The following RYR3 variants were observed in gnomAD, a reference collection of about 807,000 sequenced individuals.
RYR3 encodes the protein brain ryanodine receptor-calcium release channel.
In RYR3, 207 loss-of-function variants were observed where a neutral mutation model predicts 584.3. The observed-to-expected ratio is 0.35, with a 90% CI of 0.32 to 0.40. The LOEUF (loss-of-function observed/expected upper bound fraction) is 0.40. Ranked by LOEUF, RYR3 falls within the 10% of genes least tolerant of loss-of-function variation. The pLI is 1.00. For missense variants in RYR3, 5,616 were observed against 6,089.2 expected (o/e 0.92, Z 2.59); for synonymous variants, 2,416 against 2,248.5 (o/e 1.07, Z -2.11).
At chr15:33,816,687 T>C (rs1197234252) in intron 74 of RYR3, among the ~76,000 whole-genome samples, 175 bp from the exon 75 acceptor site, 2 of 152,324 alleles carry the variant, frequency 1.3e-5, no homozygotes, top group East Asian at 3.9e-4. Flanking sequence ...CTCGTCATGG[T>C]AGAGGGTTCT....
At chr15:33,725,977 A>C (rs28539597) in intron 45 of RYR3, among the ~76,000 whole-genome samples, 19 of 4,958 alleles carry the variant, frequency 3.8e-3, no homozygotes, top group Non-Finnish European at 4.7e-3. Context: ...CCCCCCCCCC[A>C]AAAAAAAAAA....
chr15:33,518,343 A>T (rs117612057), intron 3 of RYR3, among the ~76,000 whole-genome samples: 3,523 of 152,044 alleles, frequency 0.023, 52 homozygotes, highest in Non-Finnish European at 0.036. Context: ...TTGAATTATT[A>T]TTTTTTTTCT....
At position 33,473,499 on chromosome 15, in the gene RYR3, G is replaced by A. The variant is rs748837070; in HGVS notation, c.132G>A (p.Gly44=). The A allele has an allele frequency of 1.2e-6, 2 of 1,614,000 alleles. No homozygotes were observed. Among genetic ancestry groups the A allele is most frequent in the South Asian group, 1.1e-5 (1 of 91,078 alleles). The change falls in exon 2 of 104, where the codon GGG becomes GGA. Residue 44 remains glycine, a synonymous_variant. Coordinates refer to ENST00000634891, the MANE Select transcript of RYR3 (RefSeq NM_001036.6). ...TCTGCCTGGCAGCCGAGGGACTTGGGAATCGCCTGTGCTTCTTGGAACCCA... is the reference window on the plus strand; with the variant it reads ...TCTGCCTGGCAGCCGAGGGACTTGGAAATCGCCTGTGCTTCTTGGAACCCA... ...RKFCLAAEGL[G]NRLCFLEPTS...
At position 33,838,823 on chromosome 15, in the gene RYR3, C is replaced by G; in HGVS notation, c.12843C>G (p.Leu4281=). The change falls in exon 89 of 104, where the codon CTC becomes CTG. Residue 4281 remains leucine, a synonymous_variant. Coordinates refer to ENST00000634891, the MANE Select transcript of RYR3 (RefSeq NM_001036.6). ...EKGDTDIMSD[L]FGLHPKKEGS... is the part of the protein sequence containing the mutation. ...GAGATACAGATATCATGTCAGACCT[C>G]TTTGGACTCCACCCAAAGAAAGAGG... is the stretch of plus-strand genomic sequence containing the variant. The G allele has an allele frequency of 1.2e-6, 2 of 1,613,908 alleles. No individual in the cohort carries two copies. The highest frequency in any genetic ancestry group is 1.7e-6 in the Non-Finnish European group (2 of 1,179,846).
intron 7 of RYR3, 120 bp from the exon 8 acceptor site, chr15:33,543,502 T>C: frequency 2.8e-6 from 2 of 716,980 alleles, no homozygotes; most frequent in Non-Finnish European, 5.1e-6. Context: ...GTTATCAAAA[T>C]GTGTCTCTCT....
intron 1 of RYR3, among the ~76,000 whole-genome samples, chr15:33,434,179 T>TGA (rs2045455809): frequency 6.6e-6 from 1 of 152,214 alleles, no homozygotes; most frequent in Non-Finnish European, 1.5e-5. Context: ...AAGTTGTGCC[T>TGA]GAGAGAGAGC....
At chr15:33,864,897 T>C (rs568103522) in intron 103 of RYR3, 15 of 474,502 alleles carry the variant, frequency 3.2e-5, no homozygotes, top group African/African-American at 2.1e-4. Context: ...CAGTTTTGCT[T>C]GTTTGGGGCA....
intron 89 of RYR3, chr15:33,840,437 G>T (rs989633194): frequency 4.5e-6 from 1 of 220,614 alleles, no homozygotes; most frequent in Non-Finnish European, 8.9e-6. Flanking sequence ...ACTGGCAAGA[G>T]GATTAAAGAC....
intron 74 of RYR3, among the ~76,000 whole-genome samples, 200 bp from the exon 75 acceptor site, chr15:33,816,662 C>CATTT (rs2076828801): frequency 6.6e-6 from 1 of 152,176 alleles, no homozygotes; most frequent in African/African-American, 2.4e-5. Context: ...TCAGAAGGTG[C>CATTT]TCTAATATTC....
In RYR3 at chr15:33,838,374, G is replaced by A; in HGVS notation, c.12394G>A (p.Glu4132Lys). ...GTTAGAAATTGCGGGTGAAGAGGAA[G>A]AAGACGGGTCTCTTGAGCCGGCCTC... The part of the protein sequence containing the change: ...YVLEIAGEEE[E>K]DGSLEPASAF... Residue 4132 changes from glutamate (E) to lysine (K), a missense_variant, in exon 89 of 104, where the codon GAA (glutamate) becomes AAA (lysine). Glu to Lys is a moderately conservative substitution (Grantham distance 56). Around this residue, in one of 9 missense-constraint regions of RYR3, gnomAD observed 258 missense variants for 297.3 expected, o/e 0.87. Coordinates refer to ENST00000634891, the MANE Select transcript of RYR3 (RefSeq NM_001036.6). The A allele has an allele frequency of 1.2e-6, 2 of 1,614,008 alleles. No homozygotes were observed. Among genetic ancestry groups the A allele is most frequent in the Non-Finnish European group, 1.7e-6 (2 of 1,179,888 alleles).
At chr15:33,826,348 C>T (rs2077379543) in intron 83 of RYR3, 79 bp downstream of exon 83, 3 of 1,419,828 alleles carry the variant, frequency 2.1e-6, no homozygotes, top group Non-Finnish European at 3.0e-6. Context: ...AGCACAGAAA[C>T]ATTTTAGGCT....
At chr15:33,442,420 T>C (rs2046303664) in intron 1 of RYR3, among the ~76,000 whole-genome samples, 1 of 152,232 alleles carries the variant, frequency 6.6e-6, no homozygotes, top group Non-Finnish European at 1.5e-5. Context: ...AGTTTAAAAA[T>C]TTAAGTGTAT....
At chr15:33,639,132 A>G (rs189834637) in intron 27 of RYR3, among the ~76,000 whole-genome samples, 162 of 152,268 alleles carry the variant, frequency 1.1e-3, no homozygotes, top group Admixed American at 9.7e-3. Flanking sequence ...GGGACATTTG[A>G]GCATAACCCG....
intron 12 of RYR3, among the ~76,000 whole-genome samples, chr15:33,570,495 G>A (rs1478620039): frequency 6.6e-6 from 1 of 152,060 alleles, no homozygotes; most frequent in Admixed American, 6.5e-5. Flanking sequence ...TTTATAGTAA[G>A]TATTGAAATC....
intron 52 of RYR3, among the ~76,000 whole-genome samples, chr15:33,745,344 G>A (rs559169470): frequency 6.6e-6 from 1 of 151,908 alleles, no homozygotes; most frequent in South Asian, 2.1e-4. Flanking sequence ...CTTCTCGGTG[G>A]TAACTGAAAC....
At chr15:33,453,007 C>A (rs1391493209) in intron 1 of RYR3, among the ~76,000 whole-genome samples, 2 of 152,118 alleles carry the variant, frequency 1.3e-5, no homozygotes, top group African/African-American at 4.8e-5. Context: ...CTCCTGGCTC[C>A]AACCTTTCTC....
At chr15:33,342,148 G>A (rs920393959) in intron 1 of RYR3, among the ~76,000 whole-genome samples, 2 of 152,198 alleles carry the variant, frequency 1.3e-5, no homozygotes, top group Non-Finnish European at 2.9e-5. Context: ...AGCTGTAGTG[G>A]GCGTATTACT....
chr15:33,841,523 C>A (rs767584491), intron 90 of RYR3, among the ~76,000 whole-genome samples: 4 of 152,098 alleles, frequency 2.6e-5, no homozygotes, highest in Non-Finnish European at 5.9e-5. Context: ...GTCTTTTATA[C>A]AATATCTTAT....
intron 101 of RYR3, among the ~76,000 whole-genome samples, 183 bp from the exon 102 acceptor site, chr15:33,860,895 G>C (rs551706492): frequency 6.6e-6 from 1 of 151,964 alleles, no homozygotes; most frequent in Admixed American, 6.6e-5. Flanking sequence ...CAGGAGCTAA[G>C]TGTATGGCAC....
Sources: gnomAD v4.1 joint callset for allele counts (sites outside exome capture counted in the v4.1 genomes callset) on GRCh38, gnomAD v4.1.1 for gene constraint, gnomAD v4.1.1 regional missense constraint, MANE v1.5 for transcripts, NCBI Gene and HGNC (gene_info 2026-07-23, HGNC 2026-07-21) for gene names.